Variants in NPAS3 observed in about 807,000 individuals in gnomAD.
NPAS3 encodes neuronal PAS domain protein 3.
A neutral mutation model predicts 73.1 loss-of-function variants in NPAS3; 14 were observed. That is an observed-to-expected ratio of 0.19 (90% CI 0.13 to 0.30). The LOEUF is 0.30. NPAS3 is among the 10% of genes least tolerant of loss of function. The probability of loss-of-function intolerance (pLI) is 1.00; values close to 1 mark genes in which losing one functional copy is unlikely to be tolerated. For missense variants in NPAS3, 1,096 were observed against 1,250.0 expected (o/e 0.88, Z 1.86); for synonymous variants, 620 against 541.5 (o/e 1.14, Z -2.01).
At chr14:33,796,103 G>T (rs1018155519) in intron 10 of NPAS3, among the ~76,000 whole-genome samples, 4 of 152,062 alleles carry the variant, frequency 2.6e-5, no homozygotes, top group African/African-American at 9.7e-5. Context: ...GTAAGAAAAT[G>T]ATGTGGCCCT....
chr14:33,709,255 G>A lies in NPAS3; in HGVS notation c.734-25959G>A, dbSNP rs530077622. Among the ~76,000 whole-genome samples the A allele has an allele frequency of 5.9e-5, 9 of 152,348 alleles. No individual in the cohort carries two copies. The East Asian group carries it at 1.7e-3, about 29-fold the overall frequency. ...CGTAAGTCAGTCATTGTCCCCTGGAGAAAGGTGGTTGTTCATGAATAGGAG... is the reference window on the plus strand; with the variant it reads ...CGTAAGTCAGTCATTGTCCCCTGGAAAAAGGTGGTTGTTCATGAATAGGAG... On this transcript the variant is annotated intron_variant, in intron 6 of 11. Coordinates refer to ENST00000356141, the Ensembl canonical transcript of NPAS3.
At chr14:33,420,864 A>G (rs2048335652) in intron 4 of NPAS3, among the ~76,000 whole-genome samples, 1 of 151,918 alleles carries the variant, frequency 6.6e-6, no homozygotes, top group Admixed American at 6.6e-5. Context: ...GCTGATAAAC[A>G]ATAGCGCTTT....
chr14:33,497,837 T>C (rs2052286580), intron 4 of NPAS3, among the ~76,000 whole-genome samples: 1 of 151,980 alleles, frequency 6.6e-6, no homozygotes, highest in South Asian at 2.1e-4. Flanking sequence ...AAAGCCAAAA[T>C]TGACAAATGG....
intron 4 of NPAS3, among the ~76,000 whole-genome samples, chr14:33,493,751 G>A (rs1219720486): frequency 6.6e-6 from 1 of 152,110 alleles, no homozygotes; most frequent in Non-Finnish European, 1.5e-5. Flanking sequence ...ATGAGAAGTC[G>A]CATGCCAAAT....
chr14:33,358,980 T>C lies in NPAS3; in HGVS notation c.386-8206T>C, dbSNP rs140953570. Among the ~76,000 whole-genome samples the C allele has an allele frequency of 1.8e-3, 277 of 152,306 alleles. 1 individual carries two copies. The highest frequency in any genetic ancestry group is 2.4e-3 in the Non-Finnish European group (165 of 68,022). On this transcript the variant is annotated intron_variant, in intron 3 of 11. Transcript: ENST00000356141. ...GACCTTTCAATAGCAGGTGCTGTTA[T>C]AAGCAGAGTCTTGTGTCCCTTGGGC... is the stretch of plus-strand genomic sequence containing the variant.
chr14:33,214,035 TTC>T (rs1227100155), intron 2 of NPAS3: 2 of 152,182 alleles, frequency 1.3e-5, no homozygotes, highest in South Asian at 2.1e-4. Context: ...CCTTCCTTGT[TTC>T]TCTCTTTCTT....
chr14:33,676,769 T>A (rs1026031717), intron 6 of NPAS3, among the ~76,000 whole-genome samples: 1 of 152,326 alleles, frequency 6.6e-6, no homozygotes, highest in African/African-American at 2.4e-5. Context: ...TAGTAGCTCG[T>A]GGAGAATTAA....
intron 3 of NPAS3, among the ~76,000 whole-genome samples, chr14:33,288,300 A>T (rs192288752): frequency 4.6e-5 from 7 of 152,164 alleles, no homozygotes; most frequent in African/African-American, 1.7e-4. Flanking sequence ...TCCTCTGTGT[A>T]CCCTCAATAT....
intron 3 of NPAS3, among the ~76,000 whole-genome samples, chr14:33,286,076 A>G (rs1171704183): frequency 2.0e-5 from 3 of 152,046 alleles, no homozygotes; most frequent in African/African-American, 7.2e-5. Context: ...CATGACTCTT[A>G]TCTTCCCTGT....
chr14:33,793,059 A>G (rs1489318721), intron 9 of NPAS3, among the ~76,000 whole-genome samples: 1 of 152,128 alleles, frequency 6.6e-6, no homozygotes, highest in African/African-American at 2.4e-5. Context: ...AATCAAATCA[A>G]TTTCAACTTG....
chr14:33,594,946 A>T (rs536304022), intron 5 of NPAS3, among the ~76,000 whole-genome samples: 1 of 152,214 alleles, frequency 6.6e-6, no homozygotes, highest in African/African-American at 2.4e-5. Context: ...GCACCTTGAA[A>T]GCCATAAGAG....
chr14:33,147,795 A>C (rs949874977), intron 2 of NPAS3, among the ~76,000 whole-genome samples: 1 of 149,760 alleles, frequency 6.7e-6, no homozygotes, highest in Non-Finnish European at 1.5e-5. Context: ...ATGCACAGTC[A>C]TGTATAATTT....
At chr14:33,249,417 A>G (rs2048501336) in intron 3 of NPAS3, among the ~76,000 whole-genome samples, 1 of 151,674 alleles carries the variant, frequency 6.6e-6, no homozygotes, top group Admixed American at 6.6e-5. Flanking sequence ...CTTCAGTGCA[A>G]GACTCCTGAA....
chr14:33,016,435 G>T (rs1390848856), intron 1 of NPAS3, among the ~76,000 whole-genome samples: 1 of 151,602 alleles, frequency 6.6e-6, no homozygotes, highest in African/African-American at 2.4e-5. Context: ...TGAATGAAAA[G>T]GTGATTGAGT....
intron 6 of NPAS3, among the ~76,000 whole-genome samples, chr14:33,701,929 T>A (rs2060534415): frequency 6.6e-6 from 1 of 152,202 alleles, no homozygotes; most frequent in Non-Finnish European, 1.5e-5. Flanking sequence ...TCAGGGATCT[T>A]ACAATCTAGC....
chr14:33,435,294 T>G (rs1458001376), intron 4 of NPAS3, among the ~76,000 whole-genome samples: 1 of 152,188 alleles, frequency 6.6e-6, no homozygotes, highest in Admixed American at 6.5e-5. Context: ...TTGATGAGCT[T>G]AGCTAGCCTT....
At chr14:33,645,912 C>A (rs889547705) in intron 5 of NPAS3, among the ~76,000 whole-genome samples, 1 of 152,154 alleles carries the variant, frequency 6.6e-6, no homozygotes, top group South Asian at 2.1e-4. Flanking sequence ...CATTGAGGGC[C>A]GTCACACCAT....
chr14:33,631,339 A>C (rs1257124366), intron 5 of NPAS3, among the ~76,000 whole-genome samples: 1 of 152,218 alleles, frequency 6.6e-6, no homozygotes, highest in East Asian at 1.9e-4. Flanking sequence ...GTTTGTGTGC[A>C]CCTGGATTGT....
Position 33,475,318 on chromosome 14 carries a change from C to T in NPAS3, c.469-84803C>T, listed in dbSNP as rs115166017. On this transcript the variant is annotated intron_variant, in intron 4 of 11. Coordinates refer to ENST00000356141, the Ensembl canonical transcript of NPAS3. The stretch of plus-strand genomic sequence containing the variant: ...TTTCCCCTTTTGTTGTGTTTGGATA[C>T]TTGACATGCTTATTGATGCAGTTAA... Among the ~76,000 whole-genome samples the T allele has an allele frequency of 1.7e-3, 256 of 152,162 alleles. 1 individual carries two copies. The highest frequency in any genetic ancestry group is 5.6e-3 in the African/African-American group (232 of 41,520).
Sources: allele counts gnomAD v4.1 joint callset (sites outside exome capture counted in the v4.1 genomes callset), GRCh38; gene constraint gnomAD v4.1.1; transcripts MANE v1.5; gene names NCBI Gene and HGNC (gene_info 2026-07-23, HGNC 2026-07-21).